Variants in FMNL2 observed in about 807,000 individuals in gnomAD.
The protein encoded by FMNL2 is formin-like protein 2.
FMNL2 carries 51 observed loss-of-function variants against 130.2 expected under a neutral mutation model. The ratio of observed to expected loss-of-function variants is 0.39; its 90% CI spans 0.31 to 0.49. The LOEUF is 0.49. Ranked by LOEUF, FMNL2 falls within the 20% of genes least tolerant of loss-of-function variation. FMNL2 has a pLI of 0.85. For synonymous variants in FMNL2, 465 were observed against 467.1 expected, an observed-to-expected ratio of 1.00 and a Z score of 0.06; for missense variants, 977 against 1,316.2, an observed-to-expected ratio of 0.74 and a Z score of 3.99.
At chr2:152,346,974 C>G (rs1458367831) in intron 1 of FMNL2, among the ~76,000 whole-genome samples, 1 of 152,000 alleles carries the variant, frequency 6.6e-6, no homozygotes, top group Admixed American at 6.6e-5. Flanking sequence ...ACCTGTAGTC[C>G]CAGCTACTTG....
intron 1 of FMNL2, among the ~76,000 whole-genome samples, chr2:152,492,081 A>G (rs991453783): frequency 2.6e-5 from 4 of 152,356 alleles, no homozygotes; most frequent in African/African-American, 9.6e-5. Flanking sequence ...ACTGGCATGA[A>G]CACAGCATTG....
chr2:152,509,763 T>TTTTGA (rs1198654296), intron 1 of FMNL2, among the ~76,000 whole-genome samples: 1 of 144,654 alleles, frequency 6.9e-6, no homozygotes, highest in Non-Finnish European at 1.5e-5. Context: ...TTTTTTTTTT[T>TTTTGA]GAGAGAGGGT....
chr2:152,360,042 T>C (rs1336121071), intron 1 of FMNL2, among the ~76,000 whole-genome samples: 3 of 152,182 alleles, frequency 2.0e-5, no homozygotes, highest in Admixed American at 2.0e-4. Context: ...ATAACAAGCT[T>C]GTAGGCTGTA....
At chr2:152,375,785 T>G (rs1339921174) in intron 1 of FMNL2, among the ~76,000 whole-genome samples, 1 of 151,012 alleles carries the variant, frequency 6.6e-6, no homozygotes. Context: ...TATCTAGGAG[T>G]TTTCTTATTT....
chr2:152,509,763 T>TTTTTTTTA (rs1198654296), intron 1 of FMNL2, among the ~76,000 whole-genome samples: 1 of 144,748 alleles, frequency 6.9e-6, no homozygotes, highest in African/African-American at 2.6e-5. Flanking sequence ...TTTTTTTTTT[T>TTTTTTTTA]GAGAGAGGGT....
chr2:152,578,649 C>G, intron 7 of FMNL2: 1 of 332,634 alleles, frequency 3.0e-6, no homozygotes, highest in East Asian at 5.0e-5. Context: ...GCTGTACCCC[C>G]CGCCTCAGCC....
At chr2:152,352,070 C>T (rs1682520901) in intron 1 of FMNL2, among the ~76,000 whole-genome samples, 1 of 152,198 alleles carries the variant, frequency 6.6e-6, no homozygotes, top group Non-Finnish European at 1.5e-5. Flanking sequence ...TCTCAGACCT[C>T]TAGCAGTGAC....
intron 2 of FMNL2, among the ~76,000 whole-genome samples, chr2:152,539,919 G>A (rs944317155): frequency 2.0e-5 from 3 of 152,076 alleles, no homozygotes; most frequent in Non-Finnish European, 4.4e-5. Flanking sequence ...GGGCAACATG[G>A]TGAGACCTTG....
chr2:152,520,222 C>A (rs1693006860), intron 1 of FMNL2, among the ~76,000 whole-genome samples: 1 of 152,140 alleles, frequency 6.6e-6, no homozygotes, highest in Non-Finnish European at 1.5e-5. Context: ...GAAGCTTTGG[C>A]AGTACCATTG....
intron 1 of FMNL2, among the ~76,000 whole-genome samples, chr2:152,363,572 T>TG (rs1683313684): frequency 6.9e-6 from 1 of 144,516 alleles, no homozygotes; most frequent in South Asian, 2.1e-4. Context: ...CTTTTTTTTT[T>TG]CCCCCCCAAG....
chr2:152,622,740 A>G (rs759406315), intron 15 of FMNL2, among the ~76,000 whole-genome samples: 19 of 151,470 alleles, frequency 1.3e-4, no homozygotes, highest in Non-Finnish European at 2.1e-4. Flanking sequence ...AGTTGAACCT[A>G]CATAAGAGAC....
At position 152,549,032 on chromosome 2, in the gene FMNL2, G is replaced by A. The variant is rs376652298; in HGVS notation, c.294G>A (p.Arg98=). 8.1e-6 allele frequency: 13 copies of A among 1,606,850 alleles called. No individual in the cohort carries two copies. The African/African-American group carries it at 1.7e-4, about 21-fold the overall frequency. Residue 98 remains arginine, a synonymous_variant, in exon 4 of 26, where the codon CGG becomes CGA. Transcript: ENST00000288670. ...DPAVTRKKFR[R]RVQESTQVLR... ...TTCTTGAATTATAGAAATTCAGACG[G>A]CGTGTTCAAGAATCTACACAAGTGC...
chr2:152,611,287 C>T (rs1305221588), intron 10 of FMNL2, among the ~76,000 whole-genome samples: 1 of 151,970 alleles, frequency 6.6e-6, no homozygotes, highest in African/African-American at 2.4e-5. Flanking sequence ...TGCAGTGAGC[C>T]GAGATCATGC....
chr2:152,503,444 G>T (rs1202422751), intron 1 of FMNL2, among the ~76,000 whole-genome samples: 1 of 152,182 alleles, frequency 6.6e-6, no homozygotes, highest in Non-Finnish European at 1.5e-5. Context: ...ATTAGTGGGG[G>T]TGATTAGACA....
At chr2:152,632,175 T>A in intron 21 of FMNL2, 38 bp downstream of exon 21, 24 of 1,590,324 alleles carry the variant, frequency 1.5e-5, no homozygotes, top group Non-Finnish European at 2.0e-5. Flanking sequence ...TCTTGGGTAT[T>A]TAATGCCTTT....
rs779327259 is a variant in FMNL2, at chr2:152,522,042, AC to A, written c.201+17del. 3.8e-6 allele frequency: 6 copies of A among 1,587,870 alleles called. No individual in the cohort carries two copies. In the South Asian group the frequency reaches 6.9e-5, roughly 18 times the overall value. ...TTGTGATCAGGTAAGAAACAGTGAC[AC>A]TTTCTTTTATGAAAAAAGTAATGAA... On this transcript the variant is annotated intron_variant, in intron 2 of 25. Transcript: ENST00000288670.
chr2:152,619,832 C>A, intron 15 of FMNL2, 114 bp downstream of exon 15: 1 of 1,488,278 alleles, frequency 6.7e-7, no homozygotes, highest in African/African-American at 1.4e-5. Flanking sequence ...GTATCTCTTC[C>A]TAGTATAAGA....
At chr2:152,495,066 A>G (rs1171222199) in intron 1 of FMNL2, among the ~76,000 whole-genome samples, 1 of 152,192 alleles carries the variant, frequency 6.6e-6, no homozygotes, top group Non-Finnish European at 1.5e-5. Flanking sequence ...CTGGAAACGC[A>G]GCGTTGGAAC....
intron 1 of FMNL2, among the ~76,000 whole-genome samples, chr2:152,518,619 A>T (rs1021121301): frequency 1.3e-5 from 2 of 152,066 alleles, no homozygotes; most frequent in African/African-American, 4.8e-5. Flanking sequence ...CCTCTTATTA[A>T]CTGTACCCCA....
Sources: gnomAD v4.1 joint callset for allele counts (sites outside exome capture counted in the v4.1 genomes callset) on GRCh38, gnomAD v4.1.1 for gene constraint, MANE v1.5 for transcripts, NCBI Gene and HGNC (gene_info 2026-07-23, HGNC 2026-07-21) for gene names.